Variants in KDM5B observed in about 807,000 individuals in gnomAD.
KDM5B encodes lysine demethylase 5B, also known as lysine-specific demethylase 5B.
KDM5B carries 144 observed loss-of-function variants against 193.4 expected under a neutral mutation model. The ratio of observed to expected loss-of-function variants is 0.74; its 90% CI spans 0.65 to 0.86. The LOEUF is 0.86. Ranked by LOEUF, KDM5B falls within the 40% of genes least tolerant of loss-of-function variation. KDM5B has a pLI of 0.00. For missense variants in KDM5B, 1,833 were observed against 1,886.9 expected, an observed-to-expected ratio of 0.97 and a Z score of 0.53; for synonymous variants, 668 against 682.6, an observed-to-expected ratio of 0.98 and a Z score of 0.33.
At chr1:202,751,214 A>G (rs1655776239) in intron 12 of KDM5B, among the ~76,000 whole-genome samples, 1 of 151,922 alleles carries the variant, frequency 6.6e-6, no homozygotes, top group African/African-American at 2.4e-5. Context: ...TCTTCCTACC[A>G]CCACCCTCAC....
intron 16 of KDM5B, among the ~76,000 whole-genome samples, chr1:202,743,568 G>T (rs1221790268): frequency 1.3e-5 from 2 of 152,144 alleles, no homozygotes; most frequent in Non-Finnish European, 2.9e-5. Context: ...AAAAGCGGGT[G>T]GAGTTACGTG....
intron 2 of KDM5B, 104 bp from the exon 3 acceptor site, chr1:202,774,839 A>T (rs535852505): frequency 3.6e-6 from 4 of 1,122,086 alleles, no homozygotes; most frequent in Non-Finnish European, 5.0e-6. Flanking sequence ...AATACCACTT[A>T]AAAAAATTTT....
At chr1:202,767,177 G>C in intron 4 of KDM5B, 117 bp from the exon 5 acceptor site, 2 of 1,535,914 alleles carry the variant, frequency 1.3e-6, no homozygotes. Flanking sequence ...TCCAGAGGCT[G>C]CACCTCTTAA....
rs556680236 is a variant in KDM5B at position 202,740,451 on chromosome 1, G to T, written c.3084+223C>A. On this transcript the variant is annotated intron_variant, in intron 20 of 26. Coordinates refer to ENST00000367265, the MANE Select transcript of KDM5B (RefSeq NM_006618.5). ...TCCCGGACGGGGCGGCTGGCCGGGC[G>T]GGGGGCTGACCCCCTCACCTCCCTC... 1.2e-4 allele frequency among the ~76,000 whole-genome samples: 12 copies of T among 97,278 alleles called. No individual in the cohort carries two copies. In the South Asian group the frequency reaches 3.4e-3, roughly 27 times the overall value. 63.8% of individuals were successfully genotyped at this position (97,278 alleles called of 152,430 possible).
chr1:202,763,840 C>T (rs1225610533), intron 6 of KDM5B, among the ~76,000 whole-genome samples: 1 of 152,200 alleles, frequency 6.6e-6, no homozygotes, highest in Non-Finnish European at 1.5e-5. Flanking sequence ...CTGTTTCTCT[C>T]TCCCACTAGT....
chr1:202,756,517 C>G lies in KDM5B; in HGVS notation c.1198-1G>C. On this transcript the variant is annotated splice_acceptor_variant, in intron 9 of 26. Transcript: ENST00000367265. LOFTEE classifies it high-confidence loss of function. ...TCTCAACAAGCTCTGTGGGGACCAT[C>G]TGGAAATACAAGGAATAGAAAAAAT... is the stretch of plus-strand genomic sequence containing the variant. 2 of 1,574,558 alleles carry G rather than the reference C, an allele frequency of 1.3e-6. No homozygotes were observed. The highest frequency in any genetic ancestry group is 1.7e-6 in the Non-Finnish European group (2 of 1,161,938).
chr1:202,732,037 C>G, intron 23 of KDM5B, 98 bp from the exon 24 acceptor site: 1 of 615,208 alleles, frequency 1.6e-6, no homozygotes, highest in South Asian at 1.9e-5. Flanking sequence ...GGCAGGCAAC[C>G]AGGGGAAAAA....
rs1654818383 is a variant in KDM5B at position 202,729,931 on chromosome 1, C to G, written c.4273G>C (p.Glu1425Gln). The change falls in exon 26 of 27, where the codon GAA becomes CAA. Residue 1425 changes from glutamate to glutamine, a missense_variant. By Grantham distance (29) the Glu-to-Gln change is conservative. Transcript: ENST00000367265. ...GGGGTCCGCATTTTCTTAACTCGTT[C>G]CCACCGCTCACTGGAGAGGCCCTCT... ...EREGLSSERW[E>Q]RVKKMRTPKK... The G allele has an allele frequency of 6.2e-7, 1 of 1,613,952 alleles. No individual in the cohort carries two copies. The highest frequency in any genetic ancestry group is 8.5e-7 in the Non-Finnish European group (1 of 1,179,982).
chr1:202,783,364 G>A (rs908745209), intron 1 of KDM5B, among the ~76,000 whole-genome samples: 6 of 151,918 alleles, frequency 3.9e-5, no homozygotes, highest in African/African-American at 1.5e-4. Context: ...AGTTAGCCAG[G>A]CATGGTGGCA....
chr1:202,755,929 A>AT (rs1176827879), intron 10 of KDM5B, among the ~76,000 whole-genome samples: 1 of 152,018 alleles, frequency 6.6e-6, no homozygotes, highest in East Asian at 1.9e-4. Flanking sequence ...CTGTATACAT[A>AT]TAACTATGTA....
rs535278105 is a variant in KDM5B, at chr1:202,781,250, T to C, written c.205-4156A>G. On this transcript the variant is annotated intron_variant, in intron 1 of 26. Transcript: ENST00000367265. Reference sequence around the variant, plus strand: ...GGGGGCTTAAGTTTACAGTGAGCTATGATTGTGCCACTGCACTCCTGCTTG... The same window carrying C: ...GGGGGCTTAAGTTTACAGTGAGCTACGATTGTGCCACTGCACTCCTGCTTG... Among the ~76,000 whole-genome samples the C allele has an allele frequency of 6.6e-5, 10 of 152,298 alleles. No homozygotes were observed. The South Asian group carries it at 2.1e-3, about 32-fold the overall frequency.
rs1656801806 is a variant in KDM5B at position 202,773,399 on chromosome 1, G to A, written c.406-111C>T. The A allele has an allele frequency of 4.9e-6, 4 of 816,906 alleles. No homozygotes were observed. The East Asian group carries it at 1.0e-4, about 21-fold the overall frequency. The allele number at this position is 816,906 out of a possible 1,614,324, so 50.6% of individuals were successfully genotyped here. A position where few individuals can be genotyped will look rare whatever the true frequency, so the allele number is the denominator to read the frequency against. ...GGCTATGGTTATCTTTTAAAAACAT[G>A]TTTTGCCAATCATATATATATACAC... On this transcript the variant is annotated intron_variant, in intron 3 of 26. Transcript: ENST00000367265.
intron 1 of KDM5B, among the ~76,000 whole-genome samples, chr1:202,786,184 C>CG (rs1158947599): frequency 2.0e-4 from 3 of 15,354 alleles, no homozygotes; most frequent in African/African-American, 7.0e-4. Context: ...TTTTAAGAGA[C>CG]GGGGGGTGGG....
At chr1:202,776,713 C>T (rs12026508) in intron 2 of KDM5B, among the ~76,000 whole-genome samples, 8,960 of 152,150 alleles carry the variant, frequency 0.059, 454 homozygotes, top group East Asian at 0.24. Flanking sequence ...AGGCACACAC[C>T]ATCACACGTG....
intron 1 of KDM5B, among the ~76,000 whole-genome samples, chr1:202,802,958 A>G (rs1306197483): frequency 6.6e-6 from 1 of 152,192 alleles, no homozygotes; most frequent in Non-Finnish European, 1.5e-5. Flanking sequence ...CTGTAATCCC[A>G]GCACTTTGGG....
At position 202,745,978 on chromosome 1, in the gene KDM5B, T is replaced by C. The variant is rs761095600; in HGVS notation, c.2203A>G (p.Arg735Gly). 6.2e-7 allele frequency: 1 copy of C among 1,613,892 alleles called. No individual in the cohort carries two copies. The highest frequency in any genetic ancestry group is 8.5e-7 in the Non-Finnish European group (1 of 1,179,764). ...CPPYKYKLRY[R>G]YTLDDLYPMM... ...GGGTAGAGATCATCCAGCGTGTACC[T>C]ATACCTGGAAATAATACCACCACAC... is the stretch of plus-strand genomic sequence containing the variant. The change falls in exon 16 of 27, where the codon AGG becomes GGG. Residue 735 changes from arginine (R) to glycine (G), a missense_variant. Coordinates refer to ENST00000367265, the MANE Select transcript of KDM5B (RefSeq NM_006618.5).
intron 24 of KDM5B, 59 bp from the exon 25 acceptor site, chr1:202,731,122 T>G (rs975773024): frequency 5.5e-6 from 8 of 1,449,886 alleles, no homozygotes; most frequent in Non-Finnish European, 6.5e-6. Flanking sequence ...ACATTCACAT[T>G]TGGGTTTATG....
intron 1 of KDM5B, among the ~76,000 whole-genome samples, chr1:202,786,905 C>T (rs930648121): frequency 3.4e-4 from 51 of 152,030 alleles, no homozygotes; most frequent in African/African-American, 1.2e-3. Flanking sequence ...AAGCTAAGAT[C>T]TTAGACCAGC....
intron 1 of KDM5B, chr1:202,796,840 C>T (rs1482839922): frequency 6.5e-6 from 1 of 153,108 alleles, no homozygotes; most frequent in African/African-American, 2.4e-5. Flanking sequence ...CAGTGCTGAC[C>T]CTAACCTTTG....
Sources: allele counts gnomAD v4.1 joint callset (sites outside exome capture counted in the v4.1 genomes callset), GRCh38; gene constraint gnomAD v4.1.1; transcripts MANE v1.5; gene names NCBI Gene and HGNC (gene_info 2026-07-23, HGNC 2026-07-21).